The following CACNA2D3 variants were observed in gnomAD, a reference collection of about 807,000 sequenced individuals.
The protein encoded by CACNA2D3 is voltage-dependent calcium channel subunit alpha-2/delta-3.
Under a neutral mutation model 160.6 loss-of-function variants are expected in CACNA2D3, and 60 were observed. The observed-to-expected ratio is 0.37, with a 90% CI of 0.30 to 0.46. The LOEUF is 0.46. Ranked by LOEUF, CACNA2D3 falls within the 20% of genes least tolerant of loss-of-function variation. The probability of loss-of-function intolerance (pLI) is 1.00; values close to 1 mark genes in which losing one functional copy is unlikely to be tolerated. For synonymous variants in CACNA2D3, 558 were observed against 492.9 expected (o/e 1.13, Z -1.75); for missense variants, 1,205 against 1,365.0 (o/e 0.88, Z 1.85).
chr3:54,707,900 A>C (rs1700886750), intron 11 of CACNA2D3, among the ~76,000 whole-genome samples: 1 of 152,186 alleles, frequency 6.6e-6, no homozygotes, highest in Non-Finnish European at 1.5e-5. Flanking sequence ...GGCCCTTCCA[A>C]ATCCTGTTTT....
At chr3:54,133,917 T>C (rs1165088962) in intron 2 of CACNA2D3, among the ~76,000 whole-genome samples, 1 of 152,136 alleles carries the variant, frequency 6.6e-6, no homozygotes, top group Non-Finnish European at 1.5e-5. Flanking sequence ...GGCCTCAAGT[T>C]CCTTACCTGT....
intron 2 of CACNA2D3, among the ~76,000 whole-genome samples, chr3:54,138,409 C>T (rs984594038): frequency 3.2e-4 from 49 of 152,296 alleles, no homozygotes; most frequent in African/African-American, 8.7e-4. Context: ...CGGTGGTCCT[C>T]GGAGCATCTG....
At chr3:54,707,915 C>T (rs75459338) in intron 11 of CACNA2D3, among the ~76,000 whole-genome samples, 166 of 152,284 alleles carry the variant, frequency 1.1e-3, no homozygotes, top group African/African-American at 3.8e-3. Flanking sequence ...TGTTTTCATT[C>T]TCTTTTGCTG....
intron 4 of CACNA2D3, among the ~76,000 whole-genome samples, chr3:54,423,127 A>G (rs1380484671): frequency 1.3e-5 from 2 of 152,320 alleles, no homozygotes; most frequent in East Asian, 3.9e-4. Context: ...TTTTGCATGA[A>G]TAGCTAAATA....
At chr3:54,436,171 T>TA (rs1383485425) in intron 4 of CACNA2D3, among the ~76,000 whole-genome samples, 4 of 151,664 alleles carry the variant, frequency 2.6e-5, no homozygotes, top group African/African-American at 9.7e-5. Context: ...ACAAACATAT[T>TA]AAAAAAAACT....
chr3:54,221,493 A>T (rs548923101), intron 2 of CACNA2D3, among the ~76,000 whole-genome samples: 1 of 152,252 alleles, frequency 6.6e-6, no homozygotes, highest in South Asian at 2.1e-4. Flanking sequence ...GGTTGTTCCA[A>T]ATGTGAACAT....
At chr3:54,287,107 G>A (rs1277629253) in intron 2 of CACNA2D3, among the ~76,000 whole-genome samples, 2 of 151,882 alleles carry the variant, frequency 1.3e-5, no homozygotes, top group Non-Finnish European at 2.9e-5. Context: ...TGGACTAAAT[G>A]CTCCAATTAA....
intron 35 of CACNA2D3, among the ~76,000 whole-genome samples, chr3:55,034,655 A>C (rs1326527070): frequency 6.6e-6 from 1 of 152,024 alleles, no homozygotes; most frequent in Non-Finnish European, 1.5e-5. Context: ...CAAAAATAGA[A>C]CAATATTATA....
intron 13 of CACNA2D3, among the ~76,000 whole-genome samples, chr3:54,774,098 G>C (rs1255004742): frequency 6.6e-6 from 1 of 152,208 alleles, no homozygotes; most frequent in East Asian, 1.9e-4. Context: ...ACAGCTTCCA[G>C]TGCAAAGTGG....
intron 27 of CACNA2D3, among the ~76,000 whole-genome samples, chr3:54,903,962 T>C (rs1700398706): frequency 6.6e-6 from 1 of 152,252 alleles, no homozygotes; most frequent in South Asian, 2.1e-4. Flanking sequence ...CATTAGACTT[T>C]TATCAGATGC....
At chr3:54,513,495 T>C (rs566300090) in intron 5 of CACNA2D3, among the ~76,000 whole-genome samples, 1 of 152,082 alleles carries the variant, frequency 6.6e-6, no homozygotes, top group South Asian at 2.1e-4. Flanking sequence ...ACTTTAGAGG[T>C]GAGAAAACTG....
intron 2 of CACNA2D3, among the ~76,000 whole-genome samples, chr3:54,316,330 A>ATTGATTAATGACTATCACTGGGTCT (rs1327043751): frequency 9.2e-5 from 14 of 152,278 alleles, no homozygotes; most frequent in African/African-American, 2.6e-4. Context: ...AGGGCTTTTG[A>ATTGATTAATGACTATCACTGGGTCT]TTGATTAATG....
chr3:54,200,233 A>G (rs1177137946), intron 2 of CACNA2D3, among the ~76,000 whole-genome samples: 1 of 152,238 alleles, frequency 6.6e-6, no homozygotes, highest in East Asian at 1.9e-4. Flanking sequence ...GCCCCTGGTT[A>G]CACAGCTAGT....
At chr3:55,009,552 GTGATGATTTT>G in intron 34 of CACNA2D3, 109 bp downstream of exon 34, 2 of 1,044,380 alleles carry the variant, frequency 1.9e-6, no homozygotes, top group Non-Finnish European at 2.9e-6. Flanking sequence ...CCAGGACAAA[GTGATGATTTT>G]TCAGCTCTGT....
chr3:54,453,839 G>T (rs1054676696), intron 4 of CACNA2D3, among the ~76,000 whole-genome samples: 1 of 152,180 alleles, frequency 6.6e-6, no homozygotes, highest in South Asian at 2.1e-4. Context: ...AGTTCGAGCT[G>T]TGCAAAGTAC....
At chr3:54,544,751 C>G (rs925284115) in intron 5 of CACNA2D3, among the ~76,000 whole-genome samples, 2 of 152,074 alleles carry the variant, frequency 1.3e-5, no homozygotes, top group East Asian at 3.9e-4. Context: ...GCATCATGGA[C>G]GGTCCTTGCT....
At position 54,776,454 on chromosome 3, in the gene CACNA2D3, G is replaced by C. The variant is rs140674326; in HGVS notation, c.1380+12103G>C. Among the ~76,000 whole-genome samples, 1,141 of 152,212 alleles carry C rather than the reference G, an allele frequency of 7.5e-3. 18 individuals carry two copies. The highest frequency in any genetic ancestry group is 0.026 in the African/African-American group (1,073 of 41,524). On this transcript the variant is annotated intron_variant, in intron 13 of 37. Transcript: ENST00000474759. ...CACTTGAGCCCTGGAGATCAAGGCT[G>C]CAGTGAGCCATGACTGCACCACTGC...
intron 8 of CACNA2D3, among the ~76,000 whole-genome samples, chr3:54,572,814 A>C (rs1021255532): frequency 3.3e-5 from 5 of 152,218 alleles, no homozygotes; most frequent in Non-Finnish European, 7.3e-5. Context: ...TTTCTTATTA[A>C]TCTTTAATTA....
chr3:54,149,310 GC>G (rs1231602299), intron 2 of CACNA2D3, among the ~76,000 whole-genome samples: 1 of 132,462 alleles, frequency 7.5e-6, no homozygotes, highest in East Asian at 2.2e-4. Context: ...TATGTGTGGA[GC>G]CCTCAGCTTG....
Sources: allele counts gnomAD v4.1 joint callset (sites outside exome capture counted in the v4.1 genomes callset), GRCh38; gene constraint gnomAD v4.1.1; transcripts MANE v1.5; gene names NCBI Gene and HGNC (gene_info 2026-07-23, HGNC 2026-07-21).